ERC1: variants seen among roughly 807,000 people sequenced by gnomAD.
ERC1 encodes the protein ELKS/RAB6-interacting/CAST family member 1, also known as RAB6 interacting protein 2.
Under a neutral mutation model 132.0 loss-of-function variants are expected in ERC1, and 56 were observed. The observed-to-expected ratio is 0.42, with a 90% CI of 0.34 to 0.53. The LOEUF (loss-of-function observed/expected upper bound fraction) is 0.53, where lower values mean the gene tolerates loss of function less well. Ranked by LOEUF, ERC1 falls within the 20% of genes least tolerant of loss-of-function variation. The pLI, the probability that ERC1 is intolerant of heterozygous loss-of-function variation, is 0.03. For synonymous variants in ERC1, 478 were observed against 476.1 expected, an observed-to-expected ratio of 1.00 and a Z score of -0.05; for missense variants, 1,202 against 1,349.9, an observed-to-expected ratio of 0.89 and a Z score of 1.72.
intron 18 of ERC1, among the ~76,000 whole-genome samples, chr12:1,457,418 G>A (rs149990527): frequency 6.8e-4 from 104 of 152,266 alleles, no homozygotes; most frequent in African/African-American, 2.4e-3. Context: ...ATGTACAGCC[G>A]TGAGGTTCAG....
chr12:1,304,872 C>T (rs1432756212), intron 15 of ERC1, among the ~76,000 whole-genome samples: 3 of 141,664 alleles, frequency 2.1e-5, no homozygotes, highest in East Asian at 4.4e-4. Flanking sequence ...TCACTGCAAG[C>T]TCCGCCTCCC....
chr12:1,193,111 G>A (rs528487585), intron 12 of ERC1, among the ~76,000 whole-genome samples: 48 of 152,092 alleles, frequency 3.2e-4, no homozygotes, highest in Non-Finnish European at 5.4e-4. Context: ...CTTATAAAAG[G>A]ATCTCCAATA....
At chr12:1,271,665 A>G (rs12425880) in intron 14 of ERC1, among the ~76,000 whole-genome samples, 5 of 152,320 alleles carry the variant, frequency 3.3e-5, no homozygotes, top group African/African-American at 7.2e-5. Flanking sequence ...GGCTCAAGCT[A>G]CCTTTCCACA....
At chr12:1,020,490 G>T (rs1306161482) in intron 1 of ERC1, among the ~76,000 whole-genome samples, 2 of 152,076 alleles carry the variant, frequency 1.3e-5, no homozygotes, top group Non-Finnish European at 2.9e-5. Flanking sequence ...AAACATCTCA[G>T]ATTTTATGAA....
chr12:1,070,471 G>A (rs962608702), intron 2 of ERC1, among the ~76,000 whole-genome samples: 3 of 151,382 alleles, frequency 2.0e-5, no homozygotes, highest in African/African-American at 4.9e-5. Flanking sequence ...TAATTTTTTT[G>A]TAGAGACAGT....
chr12:1,430,117 C>T (rs149477740), intron 17 of ERC1, among the ~76,000 whole-genome samples: 1 of 152,134 alleles, frequency 6.6e-6, no homozygotes, highest in African/African-American at 2.4e-5. Flanking sequence ...AGGAACCTTC[C>T]GTTCCTTGCC....
intron 2 of ERC1, among the ~76,000 whole-genome samples, chr12:1,032,816 A>T (rs1290779225): frequency 1.3e-5 from 2 of 152,162 alleles, no homozygotes; most frequent in Non-Finnish European, 1.5e-5. Context: ...TTGAAGTACA[A>T]CACCAAAAAG....
In ERC1 at chr12:1,490,911, T is replaced by TC. The variant is rs1295459178; in HGVS notation, c.*683dup. The TC allele has an allele frequency of 2.6e-5, 6 of 232,670 alleles. No individual in the cohort carries two copies. The highest frequency in any genetic ancestry group is 5.6e-5 in the Admixed American group (1 of 17,776). 14.4% of individuals were successfully genotyped at this position (232,670 alleles called of 1,614,324 possible). ...TCTGTCGCAGCCTTCCTCACTCTGT[T>TC]CCTCGGCCAGTTAACAAGAAGATGG... is the stretch of plus-strand genomic sequence containing the variant. On this transcript the variant is annotated 3_prime_UTR_variant, in exon 19 of 19. Transcript: ENST00000360905.
chr12:1,212,156 G>C (rs6489270), intron 12 of ERC1, among the ~76,000 whole-genome samples: 1 of 151,804 alleles, frequency 6.6e-6, no homozygotes, highest in Non-Finnish European at 1.5e-5. Context: ...GGTAAGCTAC[G>C]CATTCCTTGC....
intron 3 of ERC1, among the ~76,000 whole-genome samples, chr12:1,100,155 T>A (rs1944505795): frequency 2.0e-5 from 3 of 151,908 alleles, no homozygotes; most frequent in Admixed American, 2.0e-4. Context: ...GCCGAGACTT[T>A]GACTTTTGAA....
intron 7 of ERC1, among the ~76,000 whole-genome samples, chr12:1,129,809 TAGAA>T (rs147090780): frequency 0.031 from 4,425 of 142,948 alleles, 210 homozygotes; most frequent in African/African-American, 0.1. Context: ...AGATGTATGT[TAGAA>T]AGAAGAAAAG....
intron 12 of ERC1, among the ~76,000 whole-genome samples, chr12:1,231,352 A>T (rs540373839): frequency 6.6e-6 from 1 of 152,114 alleles, no homozygotes; most frequent in Non-Finnish European, 1.5e-5. Context: ...CACACTTTAC[A>T]TCTTTTTATA....
intron 17 of ERC1, among the ~76,000 whole-genome samples, chr12:1,441,752 A>G (rs1304544044): frequency 6.6e-6 from 1 of 152,210 alleles, no homozygotes; most frequent in Non-Finnish European, 1.5e-5. Flanking sequence ...CCAAGCTTTT[A>G]AAAAATGAGG....
chr12:1,108,657 G>T (rs1172918152), intron 4 of ERC1, among the ~76,000 whole-genome samples: 1 of 151,920 alleles, frequency 6.6e-6, no homozygotes, highest in Non-Finnish European at 1.5e-5. Flanking sequence ...ACTTTTTATG[G>T]GTCAGTCATT....
At chr12:1,013,385 A>G (rs1211975585) in intron 1 of ERC1, among the ~76,000 whole-genome samples, 1 of 152,170 alleles carries the variant, frequency 6.6e-6, no homozygotes, top group Non-Finnish European at 1.5e-5. Context: ...TTAATTGATA[A>G]GAATTATTAA....
intron 12 of ERC1, among the ~76,000 whole-genome samples, chr12:1,194,491 A>G (rs904551286): frequency 6.6e-6 from 1 of 152,138 alleles, no homozygotes; most frequent in Non-Finnish European, 1.5e-5. Flanking sequence ...CTGATACAGG[A>G]TTGCTTGCTG....
rs1172108036 is a variant in ERC1, at chr12:1,146,308, GTTTTTTTTTT to G, written c.1737+4537_1737+4546del. 9.7e-4 allele frequency among the ~76,000 whole-genome samples: 31 copies of G among 31,800 alleles called. 1 individual carries two copies. The highest frequency in any genetic ancestry group is 1.8e-3 in the African/African-American group (14 of 8,000). 20.9% of individuals were successfully genotyped at this position (31,800 alleles called of 152,430 possible). A position where few individuals can be genotyped will look rare whatever the true frequency, so the allele number is the denominator to read the frequency against. On this transcript the variant is annotated intron_variant, in intron 8 of 18. Coordinates refer to ENST00000360905, the MANE Select transcript of ERC1 (RefSeq NM_178040.4). Reference sequence around the variant, plus strand: ...ATTTCCTTGTTTAGGTATTTTACTGGTTTTTTTTTTTTTTTTTTTTTTTTTGCAGTTATTG... The same window carrying G: ...ATTTCCTTGTTTAGGTATTTTACTGGTTTTTTTTTTTTTTTGCAGTTATTG...
intron 16 of ERC1, among the ~76,000 whole-genome samples, chr12:1,401,027 C>A (rs1466250674): frequency 7.0e-6 from 1 of 141,938 alleles, no homozygotes; most frequent in Non-Finnish European, 1.5e-5. Context: ...GCTCCACCTC[C>A]CGGGTTCACG....
intron 3 of ERC1, among the ~76,000 whole-genome samples, chr12:1,093,942 A>AATATATATTTCT (rs1943594551): frequency 2.0e-5 from 1 of 50,810 alleles, no homozygotes; most frequent in African/African-American, 5.5e-5. Context: ...TTTCTATATA[A>AATATATATTTCT]ATATATATAT....
Sources: allele counts gnomAD v4.1 joint callset (sites outside exome capture counted in the v4.1 genomes callset), GRCh38; gene constraint gnomAD v4.1.1; transcripts MANE v1.5; gene names NCBI Gene and HGNC (gene_info 2026-07-23, HGNC 2026-07-21).